The following RBFOX1 variants were observed in gnomAD, a reference collection of about 807,000 sequenced individuals.
The protein encoded by RBFOX1 is RNA binding fox-1 homolog 1.
A neutral mutation model predicts 57.7 loss-of-function variants in RBFOX1; 8 were observed. The ratio of observed to expected loss-of-function variants is 0.14; its 90% CI spans 0.08 to 0.25. RBFOX1 has a LOEUF of 0.25. Ranked by LOEUF, RBFOX1 falls within the 10% of genes least tolerant of loss-of-function variation. The pLI, the probability that RBFOX1 is intolerant of heterozygous loss-of-function variation, is 1.00. For missense variants in RBFOX1, 611 were observed against 548.5 expected, an observed-to-expected ratio of 1.11 and a Z score of -1.14; for synonymous variants, 326 against 222.4, an observed-to-expected ratio of 1.47 and a Z score of -4.15.
At chr16:6,998,072 A>G (rs1173539314) in intron 3 of RBFOX1, among the ~76,000 whole-genome samples, 1 of 152,140 alleles carries the variant, frequency 6.6e-6, no homozygotes, top group Non-Finnish European at 1.5e-5. Context: ...TAGAAAAAAT[A>G]TAGATATAAA....
At chr16:6,078,447 A>G (rs11861510) in intron 1 of RBFOX1, among the ~76,000 whole-genome samples, 7,756 of 151,870 alleles carry the variant, frequency 0.051, 531 homozygotes, top group African/African-American at 0.16. Context: ...ATTAGTATTA[A>G]TGTATTTTAT....
intron 3 of RBFOX1, among the ~76,000 whole-genome samples, chr16:6,856,110 T>TTCCCTTTCCTTCCCTTC (rs1367027369): frequency 6.6e-6 from 1 of 151,514 alleles, no homozygotes; most frequent in African/African-American, 2.4e-5. Flanking sequence ...CCCTTCCCTT[T>TTCCCTTTCCTTCCCTTC]CTTCCCTTTC....
intron 1 of RBFOX1, among the ~76,000 whole-genome samples, chr16:5,348,974 A>T (rs1228592286): frequency 4.6e-5 from 7 of 152,156 alleles, no homozygotes; most frequent in Non-Finnish European, 8.8e-5. Context: ...TCTGTTTTCA[A>T]TTTTTTGAGA....
chr16:6,962,530 G>A (rs568084146), intron 3 of RBFOX1, among the ~76,000 whole-genome samples: 38 of 151,766 alleles, frequency 2.5e-4, no homozygotes, highest in Admixed American at 6.5e-4. Flanking sequence ...CAGAAGCTCA[G>A]AGGTCAAAAG....
chr16:6,611,303 C>A (rs149097343), intron 2 of RBFOX1, among the ~76,000 whole-genome samples: 8 of 152,052 alleles, frequency 5.3e-5, no homozygotes, highest in African/African-American at 1.7e-4. Context: ...CACACCACCA[C>A]GCCTGGCTAA....
intron 4 of RBFOX1, among the ~76,000 whole-genome samples, chr16:7,372,855 A>G (rs562212167): frequency 6.6e-6 from 1 of 152,214 alleles, no homozygotes; most frequent in African/African-American, 2.4e-5. Context: ...TATACGAAGA[A>G]TATCTTGCTT....
chr16:6,626,631 G>A (rs186181472), intron 2 of RBFOX1, among the ~76,000 whole-genome samples: 5 of 152,130 alleles, frequency 3.3e-5, no homozygotes, highest in African/African-American at 7.2e-5. Flanking sequence ...ATGGTGGTGC[G>A]CACCTGTAAT....
intron 3 of RBFOX1, among the ~76,000 whole-genome samples, chr16:6,819,092 G>A (rs2090747242): frequency 6.6e-6 from 1 of 152,168 alleles, no homozygotes; most frequent in African/African-American, 2.4e-5. Context: ...AAACACCACA[G>A]ACTTCCGGTT....
At chr16:5,533,537 G>T (rs2044571575) in intron 2 of RBFOX1, among the ~76,000 whole-genome samples, 1 of 152,190 alleles carries the variant, frequency 6.6e-6, no homozygotes, top group African/African-American at 2.4e-5. Context: ...TTTAAAGTCT[G>T]AGCAGACTCC....
intron 4 of RBFOX1, among the ~76,000 whole-genome samples, chr16:7,122,761 A>C (rs1045494149): frequency 2.0e-5 from 3 of 152,184 alleles, no homozygotes; most frequent in Admixed American, 6.5e-5. Context: ...AAACATGTAC[A>C]TGTCTGTGTA....
intron 1 of RBFOX1, among the ~76,000 whole-genome samples, chr16:6,232,662 G>C (rs2097472896): frequency 6.6e-6 from 1 of 152,170 alleles, no homozygotes; most frequent in Non-Finnish European, 1.5e-5. Flanking sequence ...GAAGATCGGA[G>C]TCCTTAGGTT....
Position 6,403,290 on chromosome 16 carries a change from G to C in RBFOX1, c.-64+86233G>C, listed in dbSNP as rs569598928. On this transcript the variant is annotated intron_variant, in intron 2 of 15. Transcript: ENST00000550418. ...CAGTTTACTCCAGCTGTCTAAACCA[G>C]ACCTGCCACTCAGGTGTTAAGAACC... Among the ~76,000 whole-genome samples, 13 of 152,290 alleles carry C rather than the reference G, an allele frequency of 8.5e-5. No individual in the cohort carries two copies. In the South Asian group the frequency reaches 2.5e-3, roughly 29 times the overall value.
intron 1 of RBFOX1, among the ~76,000 whole-genome samples, chr16:6,150,021 C>G (rs1471653330): frequency 3.3e-5 from 5 of 152,190 alleles, no homozygotes; most frequent in Non-Finnish European, 5.9e-5. Context: ...GTGAGCATTT[C>G]TCTGTCAATT....
At chr16:6,930,545 G>T (rs1194211020) in intron 3 of RBFOX1, among the ~76,000 whole-genome samples, 2 of 152,004 alleles carry the variant, frequency 1.3e-5, no homozygotes, top group African/African-American at 2.4e-5. Context: ...AAGCAGTTGG[G>T]ATTACAGGTA....
intron 3 of RBFOX1, among the ~76,000 whole-genome samples, chr16:6,953,648 A>T (rs904715889): frequency 3.3e-5 from 5 of 152,140 alleles, no homozygotes; most frequent in African/African-American, 1.2e-4. Flanking sequence ...CGGCCTCCCA[A>T]AGCGCTGGGA....
chr16:7,087,849 A>T (rs2060223843), intron 4 of RBFOX1, among the ~76,000 whole-genome samples: 1 of 151,946 alleles, frequency 6.6e-6, no homozygotes, highest in Non-Finnish European at 1.5e-5. Context: ...CAAGATGATG[A>T]TGTATTTGTG....
downstream of RBFOX1, among the ~76,000 whole-genome samples, chr16:5,602,776 A>G (rs745385453): frequency 3.9e-5 from 6 of 152,156 alleles, no homozygotes; most frequent in Non-Finnish European, 7.3e-5. Context: ...AATGTAATAT[A>G]GTAAGAAGCA....
intron 2 of RBFOX1, among the ~76,000 whole-genome samples, chr16:6,483,005 C>G (rs2095396594): frequency 6.6e-6 from 1 of 152,204 alleles, no homozygotes; most frequent in Non-Finnish European, 1.5e-5. Flanking sequence ...CCTGAAAGAA[C>G]AAGGGAAGGG....
At chr16:6,976,699 A>G (rs934225365) in intron 3 of RBFOX1, among the ~76,000 whole-genome samples, 2 of 148,494 alleles carry the variant, frequency 1.3e-5, no homozygotes, top group African/African-American at 4.9e-5. Flanking sequence ...TATAGCATAC[A>G]TATCATATAG....
Sources: allele counts gnomAD v4.1 joint callset (sites outside exome capture counted in the v4.1 genomes callset), GRCh38; gene constraint gnomAD v4.1.1; transcripts MANE v1.5; gene names NCBI Gene and HGNC (gene_info 2026-07-23, HGNC 2026-07-21).